The following SGCZ variants were observed in gnomAD, a reference collection of about 807,000 sequenced individuals.
The protein encoded by SGCZ is sarcoglycan zeta.
In SGCZ, 40 loss-of-function variants were observed where a neutral mutation model predicts 41.3. The ratio of observed to expected loss-of-function variants is 0.97; its 90% CI spans 0.75 to 1.26. SGCZ has a LOEUF of 1.26. Ranked by LOEUF, SGCZ falls within the 50% of genes most tolerant of loss-of-function variation. The pLI is 0.00. For missense variants in SGCZ, 552 were observed against 369.8 expected, an observed-to-expected ratio of 1.49 and a Z score of -4.04; for synonymous variants, 206 against 137.5, an observed-to-expected ratio of 1.50 and a Z score of -3.49.
At chr8:14,100,150 T>TGTGCCTTTCTGTACTTTTA (rs1232174405) in intron 7 of SGCZ, among the ~76,000 whole-genome samples, 5 of 152,020 alleles carry the variant, frequency 3.3e-5, no homozygotes, top group Admixed American at 3.3e-4. Context: ...TTTTAAGTGC[T>TGTGCCTTTCTGTACTTTTA]GTGCCTTTCT....
At chr8:15,020,396 C>T (rs1803206478) in intron 1 of SGCZ, among the ~76,000 whole-genome samples, 1 of 152,138 alleles carries the variant, frequency 6.6e-6, no homozygotes, top group Admixed American at 6.5e-5. Flanking sequence ...GAATCTCCCA[C>T]ACTGCCTCAA....
chr8:14,237,458 T>C lies in SGCZ; in HGVS notation c.424+134A>G, dbSNP rs369306498. Reference sequence around the variant, plus strand: ...CAGCCTCCCAAAGTGCACTCCAGCCTGGTGACAGAGTGAGACTCTGTCTCA... The same window carrying C: ...CAGCCTCCCAAAGTGCACTCCAGCCCGGTGACAGAGTGAGACTCTGTCTCA... On this transcript the variant is annotated intron_variant, in intron 4 of 7. Coordinates refer to ENST00000382080, the MANE Select transcript of SGCZ (RefSeq NM_139167.4). 2.2e-5 allele frequency: 18 copies of C among 813,550 alleles called. No homozygotes were observed. The African/African-American group carries it at 3.1e-4, about 14-fold the overall frequency. 50.4% of individuals were successfully genotyped at this position (813,550 alleles called of 1,614,324 possible).
At chr8:14,470,131 A>G (rs1801173079) in intron 2 of SGCZ, among the ~76,000 whole-genome samples, 1 of 152,144 alleles carries the variant, frequency 6.6e-6, no homozygotes, top group African/African-American at 2.4e-5. Context: ...CCAGGTAGAC[A>G]GCATCAGAAC....
At chr8:14,992,045 C>G (rs1802031691) in intron 1 of SGCZ, among the ~76,000 whole-genome samples, 1 of 150,408 alleles carries the variant, frequency 6.6e-6, no homozygotes, top group South Asian at 2.1e-4. Flanking sequence ...AAATCTACTC[C>G]CAAAACCAAT....
intron 1 of SGCZ, among the ~76,000 whole-genome samples, chr8:14,908,059 T>C (rs141631138): frequency 6.6e-6 from 1 of 152,286 alleles, no homozygotes; most frequent in African/African-American, 2.4e-5. Context: ...TAGAAACCAC[T>C]GAAAATAAAA....
intron 3 of SGCZ, among the ~76,000 whole-genome samples, chr8:14,253,916 T>G (rs1799374266): frequency 1.5e-5 from 2 of 133,448 alleles, no homozygotes; most frequent in Admixed American, 1.6e-4. Flanking sequence ...ATGTAAAAAA[T>G]TACAGTTTTT....
chr8:14,538,270 A>AT (rs1053825576), intron 2 of SGCZ, among the ~76,000 whole-genome samples: 4 of 151,970 alleles, frequency 2.6e-5, no homozygotes, highest in Admixed American at 6.6e-5. Context: ...CTTAAAATGG[A>AT]TTTTTTGTGC....
At chr8:14,311,688 T>C (rs966457358) in intron 3 of SGCZ, among the ~76,000 whole-genome samples, 14 of 152,210 alleles carry the variant, frequency 9.2e-5, no homozygotes, top group Admixed American at 6.6e-5. Flanking sequence ...CAAAGCATTC[T>C]GTTTGTCTAA....
intron 5 of SGCZ, among the ~76,000 whole-genome samples, chr8:14,129,667 C>G (rs1396077247): frequency 6.6e-6 from 1 of 151,606 alleles, no homozygotes; most frequent in African/African-American, 2.4e-5. Context: ...AAACTAAACA[C>G]AAATCAGTGT....
intron 1 of SGCZ, among the ~76,000 whole-genome samples, chr8:15,100,989 T>C (rs1806591213): frequency 6.7e-6 from 1 of 150,326 alleles, no homozygotes; most frequent in South Asian, 2.1e-4. Context: ...AAAAAAAAAA[T>C]ACTCTTTACC....
intron 1 of SGCZ, among the ~76,000 whole-genome samples, chr8:14,973,144 C>T (rs1254154485): frequency 2.0e-5 from 3 of 152,176 alleles, no homozygotes; most frequent in Non-Finnish European, 4.4e-5. Context: ...TCCATTTATT[C>T]TCTGACCCTT....
intron 2 of SGCZ, among the ~76,000 whole-genome samples, chr8:14,354,672 C>T (rs904126897): frequency 6.6e-6 from 1 of 151,468 alleles, no homozygotes; most frequent in Non-Finnish European, 1.5e-5. Context: ...TTGTTAAATA[C>T]ACACACACAC....
Position 14,085,721 on chromosome 8 carries a change from A to G in SGCZ, c.*4722T>C, listed in dbSNP as rs971001399. Among the ~76,000 whole-genome samples the G allele has an allele frequency of 6.6e-6, 1 of 151,752 alleles. No individual in the cohort carries two copies. The highest frequency in any genetic ancestry group is 1.5e-5 in the Non-Finnish European group (1 of 67,786). ...TTTTATGAATACCAAGGAGTTTGTT[A>G]TGCATGTATAAAAGAAAAGTGGACC... On this transcript the variant is annotated 3_prime_UTR_variant, in exon 8 of 8. Coordinates refer to ENST00000382080, the MANE Select transcript of SGCZ (RefSeq NM_139167.4).
intron 6 of SGCZ, 130 bp from the exon 7 acceptor site, chr8:14,102,629 G>A (rs868600441): frequency 4.7e-6 from 4 of 850,326 alleles, no homozygotes; most frequent in Middle Eastern, 8.3e-4. Context: ...CAGGCATAAA[G>A]GAAAAGTCCT....
intron 1 of SGCZ, among the ~76,000 whole-genome samples, chr8:14,932,206 C>T (rs1563372349): frequency 6.6e-6 from 1 of 151,844 alleles, no homozygotes; most frequent in Non-Finnish European, 1.5e-5. Flanking sequence ...TAAAATTAAA[C>T]ATATGTTAAC....
chr8:15,121,609 T>C (rs1174504976), intron 1 of SGCZ, among the ~76,000 whole-genome samples: 1 of 152,110 alleles, frequency 6.6e-6, no homozygotes, highest in African/African-American at 2.4e-5. Flanking sequence ...AATATGGGAA[T>C]TTAAGAAACA....
chr8:14,189,992 T>C (rs916965738), intron 4 of SGCZ, among the ~76,000 whole-genome samples: 6 of 148,146 alleles, frequency 4.1e-5, no homozygotes, highest in Admixed American at 7.0e-5. Flanking sequence ...AATGGGAGAA[T>C]CTACTTTTTC....
intron 1 of SGCZ, among the ~76,000 whole-genome samples, chr8:14,898,689 T>A (rs1376376550): frequency 6.6e-6 from 1 of 152,090 alleles, no homozygotes; most frequent in African/African-American, 2.4e-5. Context: ...AAGAGTCAAG[T>A]TTAAGAATAA....
intron 1 of SGCZ, among the ~76,000 whole-genome samples, chr8:14,860,708 G>GAAGGAAAGAAAGAAAGAGAAAGAA (rs1554513265): frequency 8.3e-5 from 11 of 132,660 alleles, no homozygotes; most frequent in Admixed American, 5.5e-4. Flanking sequence ...AAGAAAGAAA[G>GAAGGAAAGAAAGAAAGAGAAAGAA]AGAAAGAAAG....
Sources: allele counts gnomAD v4.1 joint callset (sites outside exome capture counted in the v4.1 genomes callset), GRCh38; gene constraint gnomAD v4.1.1; transcripts MANE v1.5; gene names NCBI Gene and HGNC (gene_info 2026-07-23, HGNC 2026-07-21).